MDN1: variants seen among roughly 807,000 people sequenced by gnomAD.
MDN1 encodes the protein midasin AAA ATPase 1, also known as midasin.
In MDN1, 266 loss-of-function variants were observed where a neutral mutation model predicts 669.2. That is an observed-to-expected ratio of 0.40 (90% confidence interval 0.36 to 0.44). The LOEUF (loss-of-function observed/expected upper bound fraction) is 0.44, where lower values mean the gene tolerates loss of function less well. Among genes scored for constraint, MDN1 ranks in the 20% least tolerant of loss-of-function variants. The pLI is 1.00. For missense variants in MDN1, 5,940 were observed against 6,754.0 expected (o/e 0.88, Z 4.22); for synonymous variants, 2,385 against 2,457.1 (o/e 0.97, Z 0.87).
chr6:89,648,374 T>C lies in MDN1; in HGVS notation c.16207-45A>G, dbSNP rs754832615. The C allele has an allele frequency of 3.2e-6, 5 of 1,554,666 alleles. No homozygotes were observed. The African/African-American group carries it at 6.8e-5, about 21-fold the overall frequency. ...TGATTTTAGGAATCAGAATATCCTC[T>C]AAACCAGAGCCTCTCAACTATTTTT... On this transcript the variant is annotated intron_variant, in intron 97 of 101. Transcript: ENST00000369393.
intron 50 of MDN1, among the ~76,000 whole-genome samples, chr6:89,709,326 A>G (rs996597209): frequency 6.6e-6 from 1 of 152,226 alleles, no homozygotes; most frequent in Non-Finnish European, 1.5e-5. Context: ...CCCAGGACAT[A>G]CTGTGAACAG....
chr6:89,690,441 T>C (rs1299693831), intron 64 of MDN1, among the ~76,000 whole-genome samples: 1 of 151,960 alleles, frequency 6.6e-6, no homozygotes, highest in Non-Finnish European at 1.5e-5. Context: ...TGTGGTAGCA[T>C]GCACATGCAG....
In MDN1 at chr6:89,783,497, T is replaced by C. The variant is rs182878657; in HGVS notation, c.1449+1515A>G. On this transcript the variant is annotated intron_variant, in intron 9 of 101. Coordinates refer to ENST00000369393, the MANE Select transcript of MDN1 (RefSeq NM_014611.3). Reference sequence around the variant, plus strand: ...CATAGAGCCTTATCAGTAGTTCTGCTTTTGCCCTTTGCCTTGTGATCTTTG... The same window carrying C: ...CATAGAGCCTTATCAGTAGTTCTGCCTTTGCCCTTTGCCTTGTGATCTTTG... Among the ~76,000 whole-genome samples the C allele has an allele frequency of 2.4e-3, 371 of 152,298 alleles. 4 individuals carry two copies. The highest frequency in any genetic ancestry group is 9.8e-4 in the Non-Finnish European group (67 of 68,022).
chr6:89,702,903 G>C (rs1246498557), intron 53 of MDN1, among the ~76,000 whole-genome samples: 4 of 150,116 alleles, frequency 2.7e-5, no homozygotes, highest in Non-Finnish European at 5.9e-5. Context: ...CCATGTTGAG[G>C]TAACTACATA....
chr6:89,693,891 A>G (rs1403063080), intron 62 of MDN1, among the ~76,000 whole-genome samples, 183 bp downstream of exon 62: 1 of 152,176 alleles, frequency 6.6e-6, no homozygotes, highest in Non-Finnish European at 1.5e-5. Flanking sequence ...ACACACCTTG[A>G]ATAGCCCCCC....
At chr6:89,676,875 T>C (rs1414042694) in intron 76 of MDN1, among the ~76,000 whole-genome samples, 2 of 152,106 alleles carry the variant, frequency 1.3e-5, no homozygotes, top group East Asian at 1.9e-4. Flanking sequence ...GTCTCAATAG[T>C]GTATGGACTC....
intron 52 of MDN1, among the ~76,000 whole-genome samples, chr6:89,706,404 A>G (rs1019901981): frequency 6.8e-6 from 1 of 147,532 alleles, no homozygotes; most frequent in African/African-American, 2.5e-5. Context: ...CAGATTTTCA[A>G]TTTTTTTTTT....
At chr6:89,682,710 A>ACAAAC (rs1562082640) in intron 73 of MDN1, among the ~76,000 whole-genome samples, 1 of 147,930 alleles carries the variant, frequency 6.8e-6, no homozygotes, top group Non-Finnish European at 1.5e-5. Context: ...AAAAAAAAAA[A>ACAAAC]AAAAAAAAAA....
At chr6:89,801,654 A>T (rs541088639) in intron 2 of MDN1, among the ~76,000 whole-genome samples, 1 of 152,008 alleles carries the variant, frequency 6.6e-6, no homozygotes. Flanking sequence ...CGTCTCAAAA[A>T]AAAAACAAAA....
At chr6:89,757,142 T>A (rs1040001525) in intron 19 of MDN1, among the ~76,000 whole-genome samples, 3 of 152,168 alleles carry the variant, frequency 2.0e-5, no homozygotes, top group Non-Finnish European at 4.4e-5. Flanking sequence ...CTAATAAAGT[T>A]ACTATTTTAA....
chr6:89,684,045 C>G (rs1811829543), intron 71 of MDN1, 141 bp from the exon 72 acceptor site: 1 of 672,640 alleles, frequency 1.5e-6, no homozygotes, highest in Non-Finnish European at 2.5e-6. Flanking sequence ...TAAAACAAGT[C>G]TAAAAAAGAA....
At chr6:89,753,730 T>C in intron 21 of MDN1, 108 bp from the exon 22 acceptor site, 2 of 891,442 alleles carry the variant, frequency 2.2e-6, no homozygotes, top group Admixed American at 4.1e-5. Context: ...CTTCCCAACT[T>C]TTAAATATAG....
chr6:89,656,516 C>T (rs1004958882), intron 91 of MDN1, among the ~76,000 whole-genome samples, 184 bp downstream of exon 91: 3 of 152,012 alleles, frequency 2.0e-5, no homozygotes, highest in African/African-American at 4.8e-5. Context: ...GAAGCCGTGA[C>T]GGGATCCCAC....
At chr6:89,766,920 C>T (rs943261549) in intron 15 of MDN1, among the ~76,000 whole-genome samples, 3 of 152,156 alleles carry the variant, frequency 2.0e-5, no homozygotes, top group African/African-American at 4.8e-5. Context: ...TAATTTTCCT[C>T]TATTTTTTTT....
chr6:89,685,857 C>T lies in MDN1; in HGVS notation c.11689G>A (p.Val3897Ile), dbSNP rs763925350. The T allele has an allele frequency of 3.1e-5, 50 of 1,613,874 alleles. No homozygotes were observed. The highest frequency in any genetic ancestry group is 4.0e-5 in the Non-Finnish European group (47 of 1,180,016). Residue 3897 changes from valine to isoleucine, a missense_variant, in exon 70 of 102, where the codon GTC becomes ATC. Val to Ile is a conservative substitution (Grantham distance 29). Around this residue, in one of 5 missense-constraint regions of MDN1, gnomAD observed 2,280 missense variants for 2,576.3 expected, o/e 0.88. Transcript: ENST00000369393. ...CCTTCAACCTGTGGCATCAGCAAGA[C>T]ATGACAATGGAAAACCAGTAACATC... ...LQMLLVFHCHVLLMPQVEGKD... is the reference protein window; with the variant it reads ...LQMLLVFHCHILLMPQVEGKD...
At chr6:89,801,718 C>T (rs1767677527) in intron 2 of MDN1, among the ~76,000 whole-genome samples, 2 of 150,936 alleles carry the variant, frequency 1.3e-5, no homozygotes, top group African/African-American at 2.4e-5. Flanking sequence ...TCACTTGAAC[C>T]GGGAGGCAGA....
At chr6:89,690,881 C>A in intron 63 of MDN1, 47 bp from the exon 64 acceptor site, 1 of 1,588,910 alleles carries the variant, frequency 6.3e-7, no homozygotes, top group Non-Finnish European at 8.6e-7. Context: ...TTTGCTGAGG[C>A]ATTCACAAAG....
intron 2 of MDN1, among the ~76,000 whole-genome samples, chr6:89,800,692 G>C (rs1767580276): frequency 6.6e-6 from 1 of 152,164 alleles, no homozygotes; most frequent in Non-Finnish European, 1.5e-5. Flanking sequence ...CTGAAGAGGT[G>C]AGTCAAGGAA....
chr6:89,746,355 T>C (rs1470343689), intron 27 of MDN1, among the ~76,000 whole-genome samples: 1 of 151,734 alleles, frequency 6.6e-6, no homozygotes, highest in Non-Finnish European at 1.5e-5. Context: ...GAGGCTGAGG[T>C]GGGCAGATCA....
Sources: allele counts gnomAD v4.1 joint callset (sites outside exome capture counted in the v4.1 genomes callset), GRCh38; gene constraint gnomAD v4.1.1; regional missense constraint gnomAD v4.1.1; transcripts MANE v1.5; gene names NCBI Gene and HGNC (gene_info 2026-07-23, HGNC 2026-07-21).